The following OR1F1 variants were observed in gnomAD, a reference collection of about 807,000 sequenced individuals.
OR1F1 encodes olfactory receptor 1F1.
For missense variants in OR1F1, 493 were observed against 376.3 expected, an observed-to-expected ratio of 1.31 and a Z score of -2.57; for synonymous variants, 184 against 156.7, an observed-to-expected ratio of 1.17 and a Z score of -1.30.
chr16:3,200,165 A>T (rs539678404), upstream of OR1F1, among the ~76,000 whole-genome samples: 1 of 152,240 alleles, frequency 6.6e-6, no homozygotes, highest in African/African-American at 2.4e-5. Context: ...ATGGTTATTC[A>T]TAAGGAGATG....
At chr16:3,190,749 T>TAAA in the OR1F1 span, among the ~76,000 whole-genome samples, 1,054 of 92,162 alleles carry the variant, frequency 0.011, 20 homozygotes, top group African/African-American at 0.027. Context: ...AGACTCTATC[T>TAAA]AAAAAAAAAA....
the OR1F1 span, among the ~76,000 whole-genome samples, chr16:3,191,990 G>A: frequency 1.3e-5 from 2 of 152,200 alleles, no homozygotes; most frequent in South Asian, 2.1e-4. Flanking sequence ...TGCTGCTGTG[G>A]CTCGTTGGTC....
chr16:3,202,646 G>A (rs1958147170), upstream of OR1F1, among the ~76,000 whole-genome samples: 2 of 146,492 alleles, frequency 1.4e-5, no homozygotes, highest in Non-Finnish European at 1.5e-5. Flanking sequence ...CAACAAGAAT[G>A]AAATTCCATC....
upstream of OR1F1, among the ~76,000 whole-genome samples, chr16:3,202,612 C>T (rs1457147818): frequency 6.6e-6 from 1 of 150,834 alleles, no homozygotes; most frequent in Non-Finnish European, 1.5e-5. Flanking sequence ...CATGGTAGTG[C>T]ACGCCTGTAG....
At chr16:3,188,819 C>G in the OR1F1 span, among the ~76,000 whole-genome samples, 2 of 152,198 alleles carry the variant, frequency 1.3e-5, no homozygotes, top group African/African-American at 4.8e-5. Context: ...AACCGATGCC[C>G]GACGCCTGCT....
chr16:3,193,492 C>G, the OR1F1 span, among the ~76,000 whole-genome samples: 1 of 152,226 alleles, frequency 6.6e-6, no homozygotes, highest in Non-Finnish European at 1.5e-5. Flanking sequence ...GCGCCGGTGG[C>G]GCGAGGACGC....
At chr16:3,203,371 G>C (rs149233302), upstream of OR1F1, among the ~76,000 whole-genome samples, 505 of 152,312 alleles carry the variant, frequency 3.3e-3, 5 homozygotes, top group African/African-American at 0.011. Flanking sequence ...CCAGTGACGA[G>C]TCACCCTCCC....
exon 1 of OR1F1, chr16:3,204,932 C>A: frequency 6.2e-7 from 1 of 1,614,178 alleles, no homozygotes; most frequent in Non-Finnish European, 8.5e-7. Flanking sequence ...CTGAAGGTCC[C>A]ATCCACAAAG....
At chr16:3,205,930 G>A (rs1958203429), downstream of OR1F1, among the ~76,000 whole-genome samples, 2 of 152,170 alleles carry the variant, frequency 1.3e-5, no homozygotes, top group Admixed American at 6.5e-5. Flanking sequence ...AGTGATTTTA[G>A]GGAACAAGGG....
chr16:3,205,370 C>A (rs1958194138), downstream of OR1F1, among the ~76,000 whole-genome samples: 1 of 152,160 alleles, frequency 6.6e-6, no homozygotes, highest in Admixed American at 6.6e-5. Flanking sequence ...GGCTGGAGTG[C>A]AGTGCCGTGA....
chr16:3,195,361 G>A, the OR1F1 span, among the ~76,000 whole-genome samples: 6 of 152,270 alleles, frequency 3.9e-5, no homozygotes, highest in South Asian at 1.2e-3. Context: ...ACTTGTGTGC[G>A]GGTTAAACGA....
the OR1F1 span, among the ~76,000 whole-genome samples, chr16:3,190,508 T>G: frequency 6.6e-6 from 1 of 152,166 alleles, no homozygotes; most frequent in Non-Finnish European, 1.5e-5. Context: ...CCCAGCACTT[T>G]GGGAGGCTGA....
chr16:3,199,303 A>C (rs1041026501), upstream of OR1F1, among the ~76,000 whole-genome samples: 6 of 151,640 alleles, frequency 4.0e-5, no homozygotes, highest in Non-Finnish European at 5.9e-5. Flanking sequence ...ACCCTACCTG[A>C]AATAATAATA....
upstream of OR1F1, among the ~76,000 whole-genome samples, chr16:3,200,309 C>T (rs1958122246): frequency 6.6e-6 from 1 of 152,058 alleles, no homozygotes; most frequent in Non-Finnish European, 1.5e-5. Flanking sequence ...ATGTTTTTTA[C>T]TATTAAAATG....
chr16:3,189,008 G>C, the OR1F1 span, among the ~76,000 whole-genome samples: 2 of 152,208 alleles, frequency 1.3e-5, no homozygotes, highest in African/African-American at 4.8e-5. Context: ...GGCCAGGCAG[G>C]CGCTGCGGGG....
upstream of OR1F1, among the ~76,000 whole-genome samples, chr16:3,200,590 G>T (rs777758714): frequency 1.3e-5 from 2 of 152,258 alleles, no homozygotes; most frequent in African/African-American, 4.8e-5. Flanking sequence ...AGAGCAAGAC[G>T]TCATCTCAAA....
the OR1F1 span, among the ~76,000 whole-genome samples, chr16:3,192,910 G>T: frequency 6.6e-6 from 1 of 152,052 alleles, no homozygotes; most frequent in Non-Finnish European, 1.5e-5. Context: ...ACTGTGCCCC[G>T]CGGGATTAAA....
the OR1F1 span, among the ~76,000 whole-genome samples, chr16:3,196,046 T>C: frequency 4.6e-5 from 7 of 152,194 alleles, no homozygotes; most frequent in Non-Finnish European, 1.0e-4. Context: ...TCTCTTCTCC[T>C]GGGAAGGGCA....
At chr16:3,202,245 T>C (rs1958142928), upstream of OR1F1, among the ~76,000 whole-genome samples, 1 of 152,330 alleles carries the variant, frequency 6.6e-6, no homozygotes, top group Non-Finnish European at 1.5e-5. Context: ...GACATCTTGC[T>C]GCCACATGAG....
Sources: gnomAD v4.1 joint callset for allele counts (sites outside exome capture counted in the v4.1 genomes callset) on GRCh38, gnomAD v4.1.1 for gene constraint, MANE v1.5 for transcripts, NCBI Gene and HGNC (gene_info 2026-07-23, HGNC 2026-07-21) for gene names.